DMD: variants seen among roughly 807,000 people sequenced by gnomAD.
The protein encoded by DMD is mutant dystrophin.
Under a neutral mutation model 330.1 loss-of-function variants are expected in DMD, and 63 were observed. That is an observed-to-expected ratio of 0.19 (90% CI 0.16 to 0.24). DMD has a LOEUF of 0.24. Among genes scored for constraint, DMD ranks in the 10% least tolerant of loss-of-function variants. The probability of loss-of-function intolerance (pLI) is 1.00; values close to 1 mark genes in which losing one functional copy is unlikely to be tolerated. For synonymous variants in DMD, 1,223 were observed against 959.8 expected, an observed-to-expected ratio of 1.27 and a Z score of -5.07; for missense variants, 3,344 against 2,684.1, an observed-to-expected ratio of 1.25 and a Z score of -5.43.
chrX:32,312,138 T>A (rs73462050), intron 41 of DMD, among the ~76,000 whole-genome samples: 3,228 of 111,137 alleles, frequency 0.029, 104 homozygotes, highest in African/African-American at 0.092. Flanking sequence ...GAAGACAAGT[T>A]GTAGTTTTTC....
chrX:32,377,517 T>A (rs1316199993), intron 34 of DMD, among the ~76,000 whole-genome samples: 1 of 111,867 alleles, frequency 8.9e-6, no homozygotes, highest in Non-Finnish European at 1.9e-5. Flanking sequence ...AATTTTTAGC[T>A]ATTGAAGCCT....
chrX:32,888,407 T>G (rs2084877292), intron 2 of DMD, among the ~76,000 whole-genome samples: 1 of 110,897 alleles, frequency 9.0e-6, no homozygotes, highest in African/African-American at 3.3e-5. Flanking sequence ...GGACAACAGG[T>G]ATATGACAAA....
intron 1 of DMD, among the ~76,000 whole-genome samples, chrX:33,101,831 C>G: frequency 9.0e-6 from 1 of 111,498 alleles, no homozygotes; most frequent in Non-Finnish European, 1.9e-5. Context: ...ATTATATTCA[C>G]AAGGTAGACT....
Position 32,849,820 on chromosome X carries a change from A to G in DMD, c.94T>C (p.Phe32Leu), listed in dbSNP as rs201790047. ...TKWVNAQFSK[F>L]GKQHIENLFS... ...AGGTTCTCAATATGCTGCTTCCCAA[A>G]CTGAAATTAAAAAAAATACACTCAA... The change falls in exon 3 of 79, where the codon TTT (phenylalanine) becomes CTT (leucine). Residue 32 changes from phenylalanine to leucine, a missense_variant and splice_region_variant. Phe to Leu is a conservative substitution (Grantham distance 22, BLOSUM62 0). Coordinates refer to ENST00000357033, the MANE Select transcript of DMD (RefSeq NM_004006.3). 4.3e-6 allele frequency: 5 copies of G among 1,174,591 alleles called. No individual in the cohort carries two copies. Among genetic ancestry groups the G allele is most frequent in the Non-Finnish European group, 5.8e-6 (5 of 865,203 alleles).
chrX:33,172,948 A>C (rs2049434092), intron 1 of DMD, among the ~76,000 whole-genome samples: 1 of 111,409 alleles, frequency 9.0e-6, no homozygotes, highest in African/African-American at 3.2e-5. Flanking sequence ...AATTTAATTT[A>C]CTTAGAGGGG....
intron 7 of DMD, among the ~76,000 whole-genome samples, chrX:32,718,162 G>T (rs1459564758): frequency 9.0e-6 from 1 of 110,946 alleles, no homozygotes; most frequent in Non-Finnish European, 1.9e-5. Context: ...GGGAGGGGTT[G>T]GGGCAGAACG....
At chrX:32,553,613 T>C (rs1335195351) in intron 16 of DMD, among the ~76,000 whole-genome samples, 1 of 112,298 alleles carries the variant, frequency 8.9e-6, no homozygotes, top group East Asian at 2.8e-4. Flanking sequence ...CACTGTCATA[T>C]ATGTGGTTCA....
rs3827462 is a variant in DMD at position 32,463,465 on chromosome X, T to A, written c.3406A>T (p.Thr1136Ser). Residue 1136 changes from threonine to serine, a missense_variant, in exon 25 of 79, where the codon ACT becomes TCT. Transcript: ENST00000357033. Reference sequence around the variant, plus strand: ...TGTTGGCACATGTGATCCCACTGAGTGTTAAGTTCTTTGAGTTCTGTCTCA... The same window carrying A: ...TGTTGGCACATGTGATCCCACTGAGAGTTAAGTTCTTTGAGTTCTGTCTCA... ...RLETELKELN[T>S]QWDHMCQQVY... is the part of the protein sequence containing the mutation. 7,384 of 1,206,084 alleles carry A rather than the reference T, an allele frequency of 6.1e-3. 147 individuals carry two copies. The East Asian group carries it at 0.066, about 11-fold the overall frequency.
intron 53 of DMD, among the ~76,000 whole-genome samples, chrX:31,664,172 C>A (rs1326350404): frequency 9.0e-6 from 1 of 111,239 alleles, no homozygotes; most frequent in Non-Finnish European, 1.9e-5. Context: ...ATCCCTTTTG[C>A]ACTTCACCAT....
intron 61 of DMD, among the ~76,000 whole-genome samples, chrX:31,337,027 G>A (rs150139691): frequency 0.012 from 1,314 of 107,394 alleles, 14 homozygotes; most frequent in African/African-American, 0.042. Flanking sequence ...GGGTTCAAGC[G>A]ATTCTCCTGC....
At chrX:32,734,183 G>C (rs1384622071) in intron 7 of DMD, among the ~76,000 whole-genome samples, 1 of 108,051 alleles carries the variant, frequency 9.3e-6, no homozygotes, top group Non-Finnish European at 1.9e-5. Flanking sequence ...ATAAATTCCT[G>C]CACACATACA....
intron 17 of DMD, among the ~76,000 whole-genome samples, chrX:32,526,487 T>G (rs1207123859): frequency 9.0e-6 from 1 of 111,058 alleles, no homozygotes; most frequent in African/African-American, 3.3e-5. Flanking sequence ...AGACCTTCCA[T>G]TTTTTGGAAG....
At chrX:32,783,432 A>C (rs2148569750) in intron 7 of DMD, among the ~76,000 whole-genome samples, 2 of 106,043 alleles carry the variant, frequency 1.9e-5, no homozygotes, top group East Asian at 2.9e-4. Context: ...AAAAATTTCC[A>C]AAAAAAATAA....
intron 7 of DMD, among the ~76,000 whole-genome samples, chrX:32,777,277 T>TGGG (rs546914107): frequency 0.24 from 494 of 2,102 alleles, 156 homozygotes; most frequent in Middle Eastern, 1. Context: ...GGTTTCTGGT[T>TGGG]GGGGGGGGAA....
At chrX:32,206,200 G>A (rs1557211623) in intron 44 of DMD, 12 of 511,953 alleles carry the variant, frequency 2.3e-5, no homozygotes, top group South Asian at 2.2e-4. Context: ...TTGAAGTGTG[G>A]TTCAGGGCCA....
At chrX:31,977,953 A>G (rs1262894828) in intron 44 of DMD, among the ~76,000 whole-genome samples, 1 of 111,852 alleles carries the variant, frequency 8.9e-6, no homozygotes, top group Non-Finnish European at 1.9e-5. Context: ...ATTTTTCTCA[A>G]TTATTCATGT....
chrX:32,505,605 G>A (rs1308166121), intron 18 of DMD, among the ~76,000 whole-genome samples: 6 of 111,888 alleles, frequency 5.4e-5, no homozygotes, highest in African/African-American at 1.9e-4. Context: ...CAGTTTGGAG[G>A]TTTCTTACAA....
At chrX:31,932,438 A>G (rs958198225) in intron 45 of DMD, among the ~76,000 whole-genome samples, 1 of 112,381 alleles carries the variant, frequency 8.9e-6, no homozygotes, top group African/African-American at 3.2e-5. Flanking sequence ...AAATCGAACA[A>G]GAAAAATTCT....
At chrX:32,752,300 C>T (rs1022646140) in intron 7 of DMD, among the ~76,000 whole-genome samples, 1 of 111,221 alleles carries the variant, frequency 9.0e-6, no homozygotes, top group Non-Finnish European at 1.9e-5. Flanking sequence ...ACCACGTGAA[C>T]CCCTCTCTTG....
Sources: allele counts gnomAD v4.1 joint callset (sites outside exome capture counted in the v4.1 genomes callset), GRCh38; gene constraint gnomAD v4.1.1; transcripts MANE v1.5; gene names NCBI Gene and HGNC (gene_info 2026-07-23, HGNC 2026-07-21).